GRIP1: variants seen among roughly 807,000 people sequenced by gnomAD.
The protein encoded by GRIP1 is glutamate receptor interacting protein 1, also known as glutamate receptor-interacting protein 1.
Under a neutral mutation model 129.9 loss-of-function variants are expected in GRIP1, and 45 were observed. The observed-to-expected ratio is 0.35, with a 90% CI of 0.27 to 0.44. GRIP1 has a LOEUF of 0.44. Among genes scored for constraint, GRIP1 ranks in the 20% least tolerant of loss-of-function variants. The pLI is 1.00. For synonymous variants in GRIP1, 530 were observed against 520.8 expected (o/e 1.02, Z -0.24); for missense variants, 1,196 against 1,396.8 (o/e 0.86, Z 2.29).
chr12:66,544,526 T>C (rs2061886423), intron 2 of GRIP1, among the ~76,000 whole-genome samples: 1 of 152,204 alleles, frequency 6.6e-6, no homozygotes, highest in Admixed American at 6.5e-5. Context: ...CCATCTATTT[T>C]ACAATTTTGT....
chr12:66,968,208 C>T (rs1337359169), intron 1 of GRIP1, among the ~76,000 whole-genome samples: 1 of 152,072 alleles, frequency 6.6e-6, no homozygotes, highest in Non-Finnish European at 1.5e-5. Flanking sequence ...CCCTATTTAT[C>T]CCTGATAATT....
At chr12:66,499,849 A>G (rs1447452429) in intron 7 of GRIP1, among the ~76,000 whole-genome samples, 1 of 152,126 alleles carries the variant, frequency 6.6e-6, no homozygotes, top group Non-Finnish European at 1.5e-5. Flanking sequence ...ACAAAAAAAT[A>G]AAAATACAAA....
chr12:66,956,376 C>T (rs1435798831), intron 1 of GRIP1, among the ~76,000 whole-genome samples: 1 of 152,086 alleles, frequency 6.6e-6, no homozygotes, highest in Non-Finnish European at 1.5e-5. Context: ...CCTCTCATTT[C>T]AATATACCAG....
At chr12:66,829,392 G>T (rs919526412) in intron 1 of GRIP1, among the ~76,000 whole-genome samples, 22 of 152,104 alleles carry the variant, frequency 1.4e-4, no homozygotes, top group African/African-American at 5.1e-4. Flanking sequence ...GACACTTTGA[G>T]GTCAGCTCCA....
At chr12:66,418,746 T>C (rs2057699437) in intron 15 of GRIP1, among the ~76,000 whole-genome samples, 1 of 151,550 alleles carries the variant, frequency 6.6e-6, no homozygotes, top group African/African-American at 2.4e-5. Context: ...CAATGAGATA[T>C]CATCTGACCC....
chr12:66,454,942 G>A (rs67312362), intron 11 of GRIP1, among the ~76,000 whole-genome samples: 35,028 of 151,964 alleles, frequency 0.23, 4,533 homozygotes, highest in Middle Eastern at 0.42. Context: ...ATATAATTTA[G>A]TATAAAATTT....
At chr12:66,683,812 A>G (rs930730127), upstream of GRIP1, among the ~76,000 whole-genome samples, 5 of 152,226 alleles carry the variant, frequency 3.3e-5, no homozygotes, top group African/African-American at 1.2e-4. Context: ...GGAAAATGTT[A>G]AAGATAGAAT....
At chr12:66,523,895 C>G (rs1422485314) in intron 5 of GRIP1, among the ~76,000 whole-genome samples, 1 of 152,156 alleles carries the variant, frequency 6.6e-6, no homozygotes, top group African/African-American at 2.4e-5. Flanking sequence ...TCTGATTAAA[C>G]AGACTTTAAA....
In GRIP1 at chr12:66,873,141, C is replaced by T. The variant is rs369399707; in HGVS notation, c.58+195909G>A. On this transcript the variant is annotated intron_variant, in intron 1 of 1. Transcript: ENST00000643019. ...GATTTGTTACTTGGTAGCTCAAGGC[C>T]TAGGGCAAGTATCCCAATAAAGAAG... 1.2e-4 allele frequency among the ~76,000 whole-genome samples: 18 copies of T among 152,132 alleles called. 1 individual carries two copies. Among genetic ancestry groups the T allele is most frequent in the African/African-American group, 4.3e-4 (18 of 41,542 alleles).
At chr12:66,363,134 C>A (rs1226483944) in intron 23 of GRIP1, among the ~76,000 whole-genome samples, 2 of 143,366 alleles carry the variant, frequency 1.4e-5, no homozygotes, top group Non-Finnish European at 3.0e-5. Context: ...TATACACACA[C>A]ACATATACAC....
intron 1 of GRIP1, among the ~76,000 whole-genome samples, chr12:66,879,965 G>A (rs1351578505): frequency 6.6e-6 from 1 of 152,098 alleles, no homozygotes; most frequent in Non-Finnish European, 1.5e-5. Flanking sequence ...TTAAGCAGAG[G>A]TTGAGGTGTC....
Position 66,800,241 on chromosome 12 carries a change from G to A in GRIP1, c.-420+3812C>T, listed in dbSNP as rs369348244. The stretch of plus-strand genomic sequence containing the variant: ...CCCTGAAATGACCCCAGTAAGAAAA[G>A]TTAATTGGTCACTAATGACTGCCCT... On this transcript the variant is annotated intron_variant, in intron 1 of 4. Coordinates refer to the GRIP1 transcript ENST00000538373. Among the ~76,000 whole-genome samples the A allele has an allele frequency of 3.9e-5, 6 of 152,134 alleles. No individual in the cohort carries two copies. The East Asian group carries it at 5.8e-4, about 15-fold the overall frequency.
intron 1 of GRIP1, among the ~76,000 whole-genome samples, chr12:66,862,008 C>T (rs182463121): frequency 2.0e-5 from 3 of 151,980 alleles, no homozygotes; most frequent in Non-Finnish European, 2.9e-5. Flanking sequence ...GGTCTCAGGT[C>T]TCATGCAGTC....
intron 7 of GRIP1, among the ~76,000 whole-genome samples, chr12:66,470,878 T>C (rs1394841725): frequency 6.9e-6 from 1 of 145,246 alleles, no homozygotes; most frequent in African/African-American, 2.5e-5. Flanking sequence ...ATAGAATTGC[T>C]AGTAGAACCA....
At chr12:66,813,715 A>G (rs964403255) in intron 1 of GRIP1, among the ~76,000 whole-genome samples, 5 of 152,218 alleles carry the variant, frequency 3.3e-5, no homozygotes, top group Admixed American at 3.3e-4. Context: ...AGGGACAGGA[A>G]GGTGACCACT....
At chr12:67,018,693 G>C (rs2042822895) in intron 1 of GRIP1, among the ~76,000 whole-genome samples, 1 of 152,130 alleles carries the variant, frequency 6.6e-6, no homozygotes, top group South Asian at 2.1e-4. Context: ...GGTCTCTGGT[G>C]GGGAGCCCCC....
intron 4 of GRIP1, among the ~76,000 whole-genome samples, chr12:66,531,235 C>CAAAAA (rs1168836647): frequency 1.2e-4 from 2 of 16,450 alleles, no homozygotes; most frequent in East Asian, 2.2e-3. Flanking sequence ...GACTCTGTCT[C>CAAAAA]AAAAAAAAAA....
intron 1 of GRIP1, among the ~76,000 whole-genome samples, chr12:66,740,470 A>C (rs1592795880): frequency 1.3e-5 from 2 of 152,306 alleles, no homozygotes; most frequent in East Asian, 3.9e-4. Flanking sequence ...CTGTGGCCAG[A>C]AATAATTTCT....
At chr12:66,527,239 C>A (rs1012259238) in intron 5 of GRIP1, among the ~76,000 whole-genome samples, 33 of 150,806 alleles carry the variant, frequency 2.2e-4, no homozygotes, top group African/African-American at 4.7e-4. Context: ...ATGTTTATTG[C>A]GGCACTATTC....
Sources: gnomAD v4.1 joint callset for allele counts (sites outside exome capture counted in the v4.1 genomes callset) on GRCh38, gnomAD v4.1.1 for gene constraint, MANE v1.5 for transcripts, NCBI Gene and HGNC (gene_info 2026-07-23, HGNC 2026-07-21) for gene names.